NPAS3: variants seen among roughly 807,000 people sequenced by gnomAD.
NPAS3 encodes neuronal PAS domain protein 3.
In NPAS3, 14 loss-of-function variants were observed where a neutral mutation model predicts 73.1. The ratio of observed to expected loss-of-function variants is 0.19; its 90% confidence interval spans 0.13 to 0.30. The LOEUF is 0.30. NPAS3 is among the 10% of genes least tolerant of loss of function. NPAS3 has a pLI of 1.00. For synonymous variants in NPAS3, 620 were observed against 541.5 expected, an observed-to-expected ratio of 1.14 and a Z score of -2.01; for missense variants, 1,096 against 1,250.0, an observed-to-expected ratio of 0.88 and a Z score of 1.86.
At chr14:33,226,576 A>G (rs911583659) in intron 3 of NPAS3, among the ~76,000 whole-genome samples, 12 of 152,186 alleles carry the variant, frequency 7.9e-5, no homozygotes, top group African/African-American at 2.9e-4. Context: ...AAATTATATA[A>G]CATAATATAA....
chr14:33,449,861 C>G (rs1411911699), intron 4 of NPAS3, among the ~76,000 whole-genome samples: 1 of 152,130 alleles, frequency 6.6e-6, no homozygotes, highest in South Asian at 2.1e-4. Context: ...GATAAAACTG[C>G]TTTGATTTAT....
chr14:33,578,146 T>G (rs2056517757), intron 5 of NPAS3: 2 of 455,958 alleles, frequency 4.4e-6, no homozygotes, highest in South Asian at 3.1e-5. Flanking sequence ...CTACTCTTAC[T>G]TTGCCTCCTT....
chr14:33,049,225 T>C (rs1473044316), intron 1 of NPAS3, among the ~76,000 whole-genome samples: 1 of 152,230 alleles, frequency 6.6e-6, no homozygotes, highest in African/African-American at 2.4e-5. Context: ...ACCCTTTATG[T>C]TGTTCCAGAT....
intron 4 of NPAS3, among the ~76,000 whole-genome samples, chr14:33,384,383 C>CTG (rs71118542): frequency 0.22 from 33,216 of 149,986 alleles, 3,852 homozygotes; most frequent in South Asian, 0.32. Context: ...TTTAATGTTT[C>CTG]TGTGTGTGTG....
intron 5 of NPAS3, among the ~76,000 whole-genome samples, chr14:33,598,483 A>C (rs1354138566): frequency 6.6e-6 from 1 of 152,250 alleles, no homozygotes; most frequent in African/African-American, 2.4e-5. Context: ...TTACAATCAG[A>C]GTAAACTCTC....
chr14:33,066,760 A>G (rs1006221628), intron 2 of NPAS3, among the ~76,000 whole-genome samples: 3 of 152,190 alleles, frequency 2.0e-5, no homozygotes, highest in Non-Finnish European at 4.4e-5. Flanking sequence ...TTTTATTGTG[A>G]GGCTAAGTTG....
chr14:33,223,870 A>G (rs2047526404), intron 3 of NPAS3, among the ~76,000 whole-genome samples: 1 of 151,984 alleles, frequency 6.6e-6, no homozygotes, highest in Admixed American at 6.6e-5. Flanking sequence ...TGTATTTTCA[A>G]TATTTGAGCA....
chr14:33,148,689 A>T (rs1019978565), intron 2 of NPAS3, among the ~76,000 whole-genome samples: 1 of 152,044 alleles, frequency 6.6e-6, no homozygotes, highest in Non-Finnish European at 1.5e-5. Flanking sequence ...TTTCTTTTTT[A>T]AAAAAAATTT....
At chr14:33,205,693 A>C (rs2046795780) in intron 2 of NPAS3, among the ~76,000 whole-genome samples, 1 of 152,190 alleles carries the variant, frequency 6.6e-6, no homozygotes, top group African/African-American at 2.4e-5. Flanking sequence ...ATGTGGATGA[A>C]GTATAATGGT....
intron 4 of NPAS3, among the ~76,000 whole-genome samples, chr14:33,429,896 A>G (rs940047806): frequency 6.6e-6 from 1 of 152,140 alleles, no homozygotes; most frequent in East Asian, 1.9e-4. Flanking sequence ...TTTCTTCCCT[A>G]TTGCAGATGC....
chr14:33,404,979 A>G (rs564504907), intron 4 of NPAS3, among the ~76,000 whole-genome samples: 1 of 152,054 alleles, frequency 6.6e-6, no homozygotes, highest in Non-Finnish European at 1.5e-5. Context: ...TAATGCTTGC[A>G]TCTTTCCTTA....
chr14:33,700,402 A>G (rs1479588947), intron 6 of NPAS3, among the ~76,000 whole-genome samples: 1 of 152,228 alleles, frequency 6.6e-6, no homozygotes, highest in Non-Finnish European at 1.5e-5. Flanking sequence ...TATGCAAAAC[A>G]TTTGTGCTTA....
intron 4 of NPAS3, among the ~76,000 whole-genome samples, chr14:33,391,259 T>TCTCGGCTTACCACAAC (rs2046992010): frequency 6.8e-6 from 1 of 147,660 alleles, no homozygotes; most frequent in Admixed American, 6.9e-5. Flanking sequence ...AATGGCGCGA[T>TCTCGGCTTACCACAAC]CTCGGCTTAC....
chr14:33,738,081 A>G (rs762794008), intron 7 of NPAS3, among the ~76,000 whole-genome samples: 2 of 152,218 alleles, frequency 1.3e-5, no homozygotes, highest in African/African-American at 2.4e-5. Context: ...CGTGGCAGCC[A>G]CTGTGCCACA....
At chr14:32,939,240 C>A (rs1471893265), upstream of NPAS3, 2 of 582,768 alleles carry the variant, frequency 3.4e-6, no homozygotes, top group South Asian at 1.6e-5. Flanking sequence ...CACACGCACA[C>A]CCCCGCCCGC....
At chr14:33,299,328 C>T (rs2042430538) in intron 3 of NPAS3, among the ~76,000 whole-genome samples, 1 of 152,162 alleles carries the variant, frequency 6.6e-6, no homozygotes, top group Non-Finnish European at 1.5e-5. Context: ...CTGGATGTCG[C>T]TGGCCATGCC....
At chr14:32,972,059 C>T (rs970653748) in intron 1 of NPAS3, among the ~76,000 whole-genome samples, 5 of 151,680 alleles carry the variant, frequency 3.3e-5, no homozygotes, top group Non-Finnish European at 4.4e-5. Flanking sequence ...TTGCCTCAGC[C>T]TCCCGAGTAG....
Position 33,526,760 on chromosome 14 carries a change from G to A in NPAS3, c.469-33361G>A, listed in dbSNP as rs73267073. ...GGGAGTCAGGTCAGAATTTAGCCTC[G>A]GCAGAGCCAGGCAAATTGTTCAGGA... On this transcript the variant is annotated intron_variant, in intron 4 of 11. Coordinates refer to ENST00000356141, the Ensembl canonical transcript of NPAS3. Among the ~76,000 whole-genome samples, 942 of 152,094 alleles carry A rather than the reference G, an allele frequency of 6.2e-3. 12 individuals carry two copies. Among genetic ancestry groups the A allele is most frequent in the African/African-American group, 0.022 (902 of 41,484 alleles).
rs369410229 is a variant in NPAS3, at chr14:33,329,827, A to T, written c.386-37359A>T. 9.0e-4 allele frequency among the ~76,000 whole-genome samples: 136 copies of T among 150,334 alleles called. 1 individual carries two copies. Among genetic ancestry groups the T allele is most frequent in the African/African-American group, 2.4e-3 (100 of 41,162 alleles). On this transcript the variant is annotated intron_variant, in intron 3 of 11. Coordinates refer to ENST00000356141, the Ensembl canonical transcript of NPAS3. ...TAAAAGTGGAGTGTGTGTGTGTGTG[A>T]GAGAGAGAGAGAGAAGTGCTTAAAA...
Sources: gnomAD v4.1 joint callset for allele counts (sites outside exome capture counted in the v4.1 genomes callset) on GRCh38, gnomAD v4.1.1 for gene constraint, MANE v1.5 for transcripts, NCBI Gene and HGNC (gene_info 2026-07-23, HGNC 2026-07-21) for gene names.